BRD10: variants seen among roughly 807,000 people sequenced by gnomAD.
BRD10 encodes the protein bromodomain containing 10.
the BRD10 span, among the ~76,000 whole-genome samples, chr9:5,972,961 CA>C: frequency 1.3e-5 from 2 of 151,544 alleles, no homozygotes; most frequent in African/African-American, 4.9e-5. Flanking sequence ...ATTTTCAGAC[CA>C]AAAAAATGTG....
chr9:5,973,805 C>G, the BRD10 span, among the ~76,000 whole-genome samples: 1 of 152,142 alleles, frequency 6.6e-6, no homozygotes, highest in Non-Finnish European at 1.5e-5. Flanking sequence ...TCACTTGAGC[C>G]CAGGAGGTCA....
the BRD10 span, among the ~76,000 whole-genome samples, chr9:6,004,118 A>G: frequency 6.6e-6 from 1 of 152,226 alleles, no homozygotes; most frequent in Non-Finnish European, 1.5e-5. Context: ...ATTCAAATAT[A>G]AACACCTCTA....
the BRD10 span, chr9:5,954,062 T>C: frequency 6.4e-7 from 1 of 1,564,248 alleles, no homozygotes; most frequent in Non-Finnish European, 8.7e-7. Context: ...TTTCCTCTTC[T>C]TTGTGATTGC....
chr9:5,914,047 C>T, the BRD10 span: 2 of 452,916 alleles, frequency 4.4e-6, no homozygotes, highest in Middle Eastern at 6.5e-4. Context: ...GCTTGGCACA[C>T]TTAAGAGAAA....
At chr9:5,906,708 A>G in the BRD10 span, among the ~76,000 whole-genome samples, 2 of 152,260 alleles carry the variant, frequency 1.3e-5, no homozygotes, top group Non-Finnish European at 2.9e-5. Context: ...TAGGTATTAT[A>G]TTCCTAGATG....
chr9:5,969,565 A>G, the BRD10 span: 6 of 691,298 alleles, frequency 8.7e-6, no homozygotes, highest in South Asian at 1.1e-4. Flanking sequence ...TTTATTTGAG[A>G]CAGAGTCTCG....
At chr9:5,880,850 G>A in the BRD10 span, among the ~76,000 whole-genome samples, 2 of 151,816 alleles carry the variant, frequency 1.3e-5, no homozygotes, top group Non-Finnish European at 2.9e-5. Context: ...GATTACAGGC[G>A]TGCGCCACCA....
chr9:5,973,381 C>CG, the BRD10 span, among the ~76,000 whole-genome samples: 1 of 152,146 alleles, frequency 6.6e-6, no homozygotes. Context: ...GCAGGAGAAT[C>CG]GCTTGAACCT....
At chr9:6,004,406 A>C in the BRD10 span, among the ~76,000 whole-genome samples, 1 of 152,320 alleles carries the variant, frequency 6.6e-6, no homozygotes, top group East Asian at 1.9e-4. Context: ...CACCCTCATT[A>C]TACAGATAAG....
chr9:5,959,507 A>G, the BRD10 span, among the ~76,000 whole-genome samples: 19 of 152,202 alleles, frequency 1.2e-4, no homozygotes, highest in Admixed American at 1.2e-3. Context: ...TACAATAAGC[A>G]CTCAATGAGT....
the BRD10 span, chr9:5,922,419 C>A: frequency 1.9e-6 from 3 of 1,613,984 alleles, no homozygotes; most frequent in Non-Finnish European, 2.5e-6. Flanking sequence ...AAGTTACTTA[C>A]AGAGGTTACA....
the BRD10 span, among the ~76,000 whole-genome samples, chr9:5,897,025 G>A: frequency 5.0e-4 from 76 of 152,306 alleles, no homozygotes; most frequent in Non-Finnish European, 9.1e-4. Flanking sequence ...AGCGAGTCAT[G>A]TATCCTCTGC....
At chr9:5,897,669 A>G in the BRD10 span, 2 of 1,603,554 alleles carry the variant, frequency 1.2e-6, no homozygotes, top group Non-Finnish European at 8.5e-7. Flanking sequence ...TAAAGTTCCC[A>G]CTGCTGAAAT....
chr9:5,883,462 C>CTTTTTTTTTTTT, the BRD10 span, among the ~76,000 whole-genome samples: 27 of 102,368 alleles, frequency 2.6e-4, no homozygotes, highest in Non-Finnish European at 3.7e-4. Context: ...CCTTCTTCTT[C>CTTTTTTTTTTTT]TTTTTTTTTT....
the BRD10 span, among the ~76,000 whole-genome samples, chr9:5,932,652 A>C: frequency 6.6e-6 from 1 of 152,152 alleles, no homozygotes; most frequent in African/African-American, 2.4e-5. Flanking sequence ...TTTGGTATGA[A>C]GGTGGGGTCC....
chr9:5,998,190 T>C, the BRD10 span, among the ~76,000 whole-genome samples: 2 of 152,136 alleles, frequency 1.3e-5, no homozygotes, highest in African/African-American at 4.8e-5. Context: ...AAGAAACTAT[T>C]AACAGTAGGA....
chr9:6,008,470 G>T, the BRD10 span, among the ~76,000 whole-genome samples: 1 of 151,810 alleles, frequency 6.6e-6, no homozygotes, highest in African/African-American at 2.4e-5. Flanking sequence ...CGCCATCCCC[G>T]GTGCGCATGC....
chr9:5,993,281 C>T, the BRD10 span, among the ~76,000 whole-genome samples: 82 of 144,040 alleles, frequency 5.7e-4, 1 homozygote, highest in South Asian at 8.4e-3. Flanking sequence ...CACCACTGTA[C>T]TCCAGCCTGG....
chr9:6,000,062 A>G, the BRD10 span, among the ~76,000 whole-genome samples: 128 of 152,316 alleles, frequency 8.4e-4, no homozygotes, highest in African/African-American at 2.8e-3. Flanking sequence ...ATTGTAGAAT[A>G]TCTAGGACAT....
Sources: allele counts gnomAD v4.1 joint callset (sites outside exome capture counted in the v4.1 genomes callset), GRCh38; gene constraint gnomAD v4.1.1; transcripts MANE v1.5; gene names NCBI Gene and HGNC (gene_info 2026-07-23, HGNC 2026-07-21).